Variants in MED26 observed in about 807,000 individuals in gnomAD.
MED26 encodes the protein mediator of RNA polymerase II transcription subunit 26.
A neutral mutation model predicts 43.7 loss-of-function variants in MED26; 7 were observed. The observed-to-expected ratio is 0.16, with a 90% CI of 0.09 to 0.30. MED26 has a LOEUF of 0.30. MED26 is among the 10% of genes least tolerant of loss of function. The pLI is 1.00. For missense variants in MED26, 784 were observed against 840.6 expected (o/e 0.93, Z 0.83); for synonymous variants, 375 against 371.1 (o/e 1.01, Z -0.12).
chr19:16,577,431 G>A lies in MED26; in HGVS notation c.399C>T (p.Leu133=), dbSNP rs2122374821. 6.3e-7 allele frequency: 1 copy of A among 1,598,166 alleles called. No homozygotes were observed. The change falls in exon 3 of 3, where the codon CTC becomes CTT. Residue 133 remains leucine (L), a synonymous_variant. Coordinates refer to ENST00000263390, the MANE Select transcript of MED26 (RefSeq NM_004831.5). The surrounding 1 kb of genome is among the most constrained non-coding windows in gnomAD (Gnocchi z 8.1). ...CCAGCCGCTGCCCGGGCAGCCTCTGGAGGTCATTGCGGCTCTTCAGGTCAT... is the reference window on the plus strand; with the variant it reads ...CCAGCCGCTGCCCGGGCAGCCTCTGAAGGTCATTGCGGCTCTTCAGGTCAT... ...SIHDLKSRND[L]QRLPGQRLDR...
In MED26 at chr19:16,578,249, C is replaced by T. The variant is rs770912920; in HGVS notation, c.147+86G>A. 70 of 1,235,890 alleles carry T rather than the reference C, an allele frequency of 5.7e-5. No individual in the cohort carries two copies. In the Admixed American group the frequency reaches 1.2e-3, roughly 21 times the overall value. 76.6% of individuals were successfully genotyped at this position (1,235,890 alleles called of 1,614,324 possible). On this transcript the variant is annotated intron_variant, in intron 2 of 2. Coordinates refer to ENST00000263390, the MANE Select transcript of MED26 (RefSeq NM_004831.5). Reference sequence around the variant, plus strand: ...GTCCTCCGAAGCAAAGACACTGATGCTCCCAGAAGCTGCGGAAGGACCTGG... The same window carrying T: ...GTCCTCCGAAGCAAAGACACTGATGTTCCCAGAAGCTGCGGAAGGACCTGG...
intron 1 of MED26, among the ~76,000 whole-genome samples, chr19:16,619,711 C>G (rs1172628296): frequency 6.6e-6 from 1 of 152,126 alleles, no homozygotes; most frequent in Non-Finnish European, 1.5e-5. Flanking sequence ...ACTGCTGATG[C>G]CTGCACCACA....
chr19:16,617,781 T>C (rs1168346354), intron 1 of MED26, among the ~76,000 whole-genome samples: 3 of 149,236 alleles, frequency 2.0e-5, no homozygotes, highest in South Asian at 2.1e-4. Context: ...GTTCAGGCAC[T>C]TGCTTGCCCA....
intron 1 of MED26, among the ~76,000 whole-genome samples, chr19:16,589,918 C>T (rs1204089163): frequency 6.6e-6 from 1 of 152,176 alleles, no homozygotes; most frequent in South Asian, 2.1e-4. Context: ...CGGCCCAGAC[C>T]CTCTGAGAGC....
At chr19:16,619,798 C>T (rs1378717839) in intron 1 of MED26, among the ~76,000 whole-genome samples, 2 of 152,114 alleles carry the variant, frequency 1.3e-5, no homozygotes, top group Non-Finnish European at 2.9e-5. Context: ...CACGAATACC[C>T]GAGTCTCCAC....
rs987129341 is a variant in MED26 at position 16,582,862 on chromosome 19, G to A, written c.73-4453C>T. Among the ~76,000 whole-genome samples, 37 of 152,334 alleles carry A rather than the reference G, an allele frequency of 2.4e-4. No individual in the cohort carries two copies. In the South Asian group the frequency reaches 2.7e-3, roughly 11 times the overall value. Reference sequence around the variant, plus strand: ...TGGCCAGACAGCACCAAAGCCCTGCGGCAGGGGAGAGGCCATGGGTAAGGA... The same window carrying A: ...TGGCCAGACAGCACCAAAGCCCTGCAGCAGGGGAGAGGCCATGGGTAAGGA... On this transcript the variant is annotated intron_variant, in intron 1 of 2. Coordinates refer to ENST00000263390, the MANE Select transcript of MED26 (RefSeq NM_004831.5).
chr19:16,603,138 T>G (rs1051320517), intron 1 of MED26, among the ~76,000 whole-genome samples: 4 of 152,180 alleles, frequency 2.6e-5, no homozygotes, highest in African/African-American at 9.7e-5. Context: ...CCTCTGCTCC[T>G]CCTGCACAGG....
chr19:16,617,288 G>A (rs1460586887), intron 1 of MED26, among the ~76,000 whole-genome samples: 4 of 152,020 alleles, frequency 2.6e-5, no homozygotes, highest in African/African-American at 9.7e-5. Flanking sequence ...TTTCCTTCAG[G>A]TACACAGGGC....
At chr19:16,578,718 G>A in intron 1 of MED26, 2 of 354,262 alleles carry the variant, frequency 5.6e-6, no homozygotes, top group Non-Finnish European at 1.0e-5. Flanking sequence ...AGCTGCTCCT[G>A]ATACTTAAGA....
Position 16,584,105 on chromosome 19 carries a change from TC to T in MED26, c.73-5697del, listed in dbSNP as rs977268450. Among the ~76,000 whole-genome samples, 3 of 151,888 alleles carry T rather than the reference TC, an allele frequency of 2.0e-5. No individual in the cohort carries two copies. In the South Asian group the frequency reaches 6.2e-4, roughly 32 times the overall value. On this transcript the variant is annotated intron_variant, in intron 1 of 2. Transcript: ENST00000263390. Reference sequence around the variant, plus strand: ...TTCCACATGAGAACTTAAAAAGGCTTCCACGGGCGCGGTGGTGTGCACCTGT... The same window carrying T: ...TTCCACATGAGAACTTAAAAAGGCTTCACGGGCGCGGTGGTGTGCACCTGT...
At chr19:16,620,191 A>G (rs189273532) in intron 1 of MED26, among the ~76,000 whole-genome samples, 2 of 152,276 alleles carry the variant, frequency 1.3e-5, no homozygotes. Flanking sequence ...TGAATCCAGC[A>G]TAAACAGCTG....
At chr19:16,621,448 C>T (rs962399901) in intron 1 of MED26, among the ~76,000 whole-genome samples, 1 of 152,216 alleles carries the variant, frequency 6.6e-6, no homozygotes, top group Non-Finnish European at 1.5e-5. Context: ...CAGGGGAAAC[C>T]TGATGAGCCC....
At chr19:16,592,541 C>G (rs7250815) in intron 1 of MED26, among the ~76,000 whole-genome samples, 13,688 of 152,204 alleles carry the variant, frequency 0.09, 716 homozygotes, top group African/African-American at 0.12. Flanking sequence ...TAGCAAATCA[C>G]GCCACACATG....
chr19:16,627,499 C>T (rs994099178), intron 1 of MED26, among the ~76,000 whole-genome samples: 1 of 152,270 alleles, frequency 6.6e-6, no homozygotes, highest in African/African-American at 2.4e-5. Flanking sequence ...TTCTCCCTCC[C>T]CTTCCCGCTC....
intron 1 of MED26, among the ~76,000 whole-genome samples, chr19:16,615,930 G>A (rs1213806061): frequency 3.3e-5 from 5 of 152,154 alleles, no homozygotes; most frequent in African/African-American, 9.7e-5. Flanking sequence ...ACCTACTCCA[G>A]CAAAGTGCTA....
intron 1 of MED26, among the ~76,000 whole-genome samples, chr19:16,623,020 A>G (rs1266811147): frequency 3.3e-5 from 5 of 152,146 alleles, no homozygotes; most frequent in African/African-American, 7.2e-5. Flanking sequence ...GCCTTTTTAC[A>G]TCTGTATCCA....
At position 16,586,636 on chromosome 19, in the gene MED26, G is replaced by A. The variant is rs2086071981; in HGVS notation, c.73-8227C>T. Reference sequence around the variant, plus strand: ...GGGCCACCACAGCAGGGCTTCAGATGGCACTGGAGCCCACTCCCCACCGGG... The same window carrying A: ...GGGCCACCACAGCAGGGCTTCAGATAGCACTGGAGCCCACTCCCCACCGGG... On this transcript the variant is annotated intron_variant, in intron 1 of 2. Transcript: ENST00000263390. This position sits in a 1 kb window ranked among gnomAD's most constrained non-coding sequence, Gnocchi z 5.1. Among the ~76,000 whole-genome samples the A allele has an allele frequency of 2.0e-5, 3 of 152,236 alleles. No homozygotes were observed. The highest frequency in any genetic ancestry group is 2.1e-4 in the South Asian group (1 of 4,830).
chr19:16,577,433 G>A lies in MED26; in HGVS notation c.397C>T (p.Leu133Phe). 1.3e-6 allele frequency: 2 copies of A among 1,596,800 alleles called. No homozygotes were observed. Among genetic ancestry groups the A allele is most frequent in the Non-Finnish European group, 1.7e-6 (2 of 1,169,276 alleles). Residue 133 changes from leucine (L) to phenylalanine (F), a missense_variant, in exon 3 of 3, where the codon CTC becomes TTC. This residue lies in a region of MED26 where 719 missense variants were observed against 730.9 expected (regional missense o/e 0.98). Transcript: ENST00000263390. The surrounding 1 kb of genome is among the most constrained non-coding windows in gnomAD (Gnocchi z 8.1). ...SIHDLKSRND[L>F]QRLPGQRLDR... ...AGCCGCTGCCCGGGCAGCCTCTGGA[G>A]GTCATTGCGGCTCTTCAGGTCATGG...
intron 1 of MED26, among the ~76,000 whole-genome samples, chr19:16,613,913 T>C (rs1232651071): frequency 6.6e-6 from 1 of 152,122 alleles, no homozygotes; most frequent in African/African-American, 2.4e-5. Context: ...ACAGAATCAA[T>C]GATGGAGTTA....
Sources: gnomAD v4.1 joint callset for allele counts (sites outside exome capture counted in the v4.1 genomes callset) on GRCh38, gnomAD v4.1.1 for gene constraint, gnomAD v4.1.1 regional missense constraint, Gnocchi (gnomAD v3.1) non-coding constraint, MANE v1.5 for transcripts, NCBI Gene and HGNC (gene_info 2026-07-23, HGNC 2026-07-21) for gene names.